The following CNTNAP2 variants were observed in gnomAD, a reference collection of about 807,000 sequenced individuals.
CNTNAP2 encodes contactin-associated protein-like 2.
In CNTNAP2, 98 loss-of-function variants were observed where a neutral mutation model predicts 155.2. That is an observed-to-expected ratio of 0.63 (90% confidence interval 0.54 to 0.75). The LOEUF (loss-of-function observed/expected upper bound fraction) is 0.75, where lower values mean the gene tolerates loss of function less well. Among genes scored for constraint, CNTNAP2 ranks in the 30% least tolerant of loss-of-function variants. CNTNAP2 has a pLI of 0.00. For synonymous variants in CNTNAP2, 651 were observed against 631.2 expected, an observed-to-expected ratio of 1.03 and a Z score of -0.47; for missense variants, 1,727 against 1,688.1, an observed-to-expected ratio of 1.02 and a Z score of -0.40.
intron 1 of CNTNAP2, among the ~76,000 whole-genome samples, chr7:146,293,729 G>T (rs1276467412): frequency 6.6e-6 from 1 of 151,542 alleles, no homozygotes; most frequent in East Asian, 1.9e-4. Context: ...AATGCTCATT[G>T]GGTTTCTTTT....
chr7:146,381,970 T>C (rs1490350703), intron 1 of CNTNAP2, among the ~76,000 whole-genome samples: 1 of 152,176 alleles, frequency 6.6e-6, no homozygotes, highest in Non-Finnish European at 1.5e-5. Context: ...CCCCATATGA[T>C]AATAACTTCT....
At chr7:146,189,269 T>C (rs1344097506) in intron 1 of CNTNAP2, among the ~76,000 whole-genome samples, 1 of 152,226 alleles carries the variant, frequency 6.6e-6, no homozygotes, top group Non-Finnish European at 1.5e-5. Context: ...GGCCACATGA[T>C]AATATGCCTT....
intron 12 of CNTNAP2, among the ~76,000 whole-genome samples, chr7:147,623,952 C>A (rs1026516308): frequency 8.6e-5 from 13 of 151,880 alleles, no homozygotes; most frequent in African/African-American, 3.1e-4. Context: ...AACCCAGAAA[C>A]AAATCCACAC....
intron 1 of CNTNAP2, among the ~76,000 whole-genome samples, chr7:146,461,449 G>A (rs147161439): frequency 3.7e-4 from 56 of 151,384 alleles, no homozygotes; most frequent in Non-Finnish European, 4.1e-4. Context: ...CCTTAATAAA[G>A]CTGGAAAACA....
intron 12 of CNTNAP2, 86 bp downstream of exon 12, chr7:147,562,343 G>A: frequency 6.4e-7 from 1 of 1,570,462 alleles, no homozygotes; most frequent in Non-Finnish European, 8.7e-7. Flanking sequence ...TTTCTTTGGT[G>A]CTATGTTTTT....
At chr7:148,052,021 C>T (rs1802901210) in intron 15 of CNTNAP2, among the ~76,000 whole-genome samples, 1 of 151,978 alleles carries the variant, frequency 6.6e-6, no homozygotes, top group Non-Finnish European at 1.5e-5. Flanking sequence ...TGCCTGTAGT[C>T]CCAGCTGCTC....
At chr7:147,200,737 A>G (rs1189772202) in intron 8 of CNTNAP2, among the ~76,000 whole-genome samples, 1 of 152,190 alleles carries the variant, frequency 6.6e-6, no homozygotes, top group East Asian at 1.9e-4. Context: ...CAACATGCAT[A>G]TGTTCTGTGT....
At chr7:147,984,008 T>A (rs1801576566) in intron 15 of CNTNAP2, among the ~76,000 whole-genome samples, 1 of 152,218 alleles carries the variant, frequency 6.6e-6, no homozygotes, top group African/African-American at 2.4e-5. Flanking sequence ...CTTAGCAGGG[T>A]CATTTCAAAA....
intron 1 of CNTNAP2, among the ~76,000 whole-genome samples, chr7:146,120,001 A>C (rs1212251310): frequency 6.6e-6 from 1 of 151,872 alleles, no homozygotes; most frequent in Non-Finnish European, 1.5e-5. Context: ...AAAAATGTGT[A>C]TATTTATATA....
At chr7:148,224,759 G>T (rs1347772028) in intron 19 of CNTNAP2, among the ~76,000 whole-genome samples, 1 of 152,174 alleles carries the variant, frequency 6.6e-6, no homozygotes, top group Non-Finnish European at 1.5e-5. Context: ...CCGCATGGCT[G>T]GGGAGGCCTC....
intron 21 of CNTNAP2, among the ~76,000 whole-genome samples, chr7:148,347,705 G>A (rs546764403): frequency 2.8e-4 from 43 of 152,274 alleles, no homozygotes; most frequent in South Asian, 2.3e-3. Flanking sequence ...GTAGTGAATC[G>A]GGGGAGAAAT....
chr7:147,817,329 T>G (rs112304141), intron 13 of CNTNAP2, among the ~76,000 whole-genome samples: 7,697 of 152,304 alleles, frequency 0.051, 234 homozygotes, highest in Middle Eastern at 0.065. Context: ...GCACTAGACA[T>G]GATTCCAAGA....
At chr7:146,925,154 C>G (rs181462756) in intron 3 of CNTNAP2, among the ~76,000 whole-genome samples, 32 of 152,188 alleles carry the variant, frequency 2.1e-4, no homozygotes, top group African/African-American at 7.2e-4. Flanking sequence ...ATTGACTTCT[C>G]TTACATTTTT....
rs538061743 is a variant in CNTNAP2, at chr7:147,295,190, A to C, written c.1349-4951A>C. Among the ~76,000 whole-genome samples the C allele has an allele frequency of 2.6e-5, 4 of 152,162 alleles. No homozygotes were observed. In the East Asian group the frequency reaches 7.8e-4, roughly 30 times the overall value. ...CTGTATGAGATATGGCTATCCCCAG[A>C]AACTGAGCACTTCTCCAGATGTGGT... On this transcript the variant is annotated intron_variant, in intron 8 of 23. Transcript: ENST00000361727.
chr7:148,365,808 G>A lies in CNTNAP2; in HGVS notation c.3476-17841G>A, dbSNP rs763139369. Among the ~76,000 whole-genome samples, 41 of 97,466 alleles carry A rather than the reference G, an allele frequency of 4.2e-4. 10 individuals are homozygous for A. Among genetic ancestry groups the A allele is most frequent in the African/African-American group, 2.1e-3 (40 of 19,370 alleles). The allele number at this position is 97,466 out of a possible 152,430, so 63.9% of individuals were successfully genotyped here. ...TATGCATGTATACATGCATGTGTAT[G>A]CATGTATACATGCATGTGTATGCAT... is the stretch of plus-strand genomic sequence containing the variant. On this transcript the variant is annotated intron_variant, in intron 21 of 23. Coordinates refer to ENST00000361727, the MANE Select transcript of CNTNAP2 (RefSeq NM_014141.6).
At chr7:147,924,441 A>G (rs557790011) in intron 14 of CNTNAP2, among the ~76,000 whole-genome samples, 113 of 152,242 alleles carry the variant, frequency 7.4e-4, no homozygotes, top group Non-Finnish European at 5.9e-5. Context: ...GCAAGCCCAC[A>G]CTAAGCACTT....
intron 21 of CNTNAP2, among the ~76,000 whole-genome samples, chr7:148,347,850 A>C (rs548577571): frequency 6.6e-6 from 1 of 152,254 alleles, no homozygotes; most frequent in Admixed American, 6.5e-5. Context: ...CAAGCCAGGC[A>C]TTAAATCTTT....
At chr7:146,895,542 A>C (rs1310296723) in intron 3 of CNTNAP2, among the ~76,000 whole-genome samples, 2 of 152,132 alleles carry the variant, frequency 1.3e-5, no homozygotes, top group Non-Finnish European at 2.9e-5. Flanking sequence ...TAACATTGAA[A>C]CACCATATAA....
At chr7:147,914,669 C>T (rs866224030) in intron 14 of CNTNAP2, among the ~76,000 whole-genome samples, 5 of 152,146 alleles carry the variant, frequency 3.3e-5, no homozygotes, top group Middle Eastern at 3.2e-3. Flanking sequence ...TCAGGTGATC[C>T]TCCCACTTCA....
Sources: gnomAD v4.1 joint callset for allele counts (sites outside exome capture counted in the v4.1 genomes callset) on GRCh38, gnomAD v4.1.1 for gene constraint, MANE v1.5 for transcripts, NCBI Gene and HGNC (gene_info 2026-07-23, HGNC 2026-07-21) for gene names.